Variants in GAS2 observed in about 807,000 individuals in gnomAD.
GAS2 encodes growth arrest-specific protein 2.
A neutral mutation model predicts 37.5 loss-of-function variants in GAS2; 20 were observed. The observed-to-expected ratio is 0.53, with a 90% CI of 0.37 to 0.77. GAS2 has a LOEUF of 0.77. Ranked by LOEUF, GAS2 falls within the 30% of genes least tolerant of loss-of-function variation. The probability of loss-of-function intolerance (pLI) is 0.00; values close to 1 mark genes in which losing one functional copy is unlikely to be tolerated. For synonymous variants in GAS2, 144 were observed against 132.2 expected, an observed-to-expected ratio of 1.09 and a Z score of -0.61; for missense variants, 336 against 373.4, an observed-to-expected ratio of 0.90 and a Z score of 0.82.
intron 7 of GAS2, among the ~76,000 whole-genome samples, chr11:22,778,255 C>T (rs925922062): frequency 6.6e-6 from 1 of 152,092 alleles, no homozygotes; most frequent in Non-Finnish European, 1.5e-5. Flanking sequence ...TATAATGCTA[C>T]TCAGTTTTAG....
At chr11:22,643,665 C>T (rs1448689974) in intron 1 of GAS2, among the ~76,000 whole-genome samples, 2 of 151,236 alleles carry the variant, frequency 1.3e-5, no homozygotes, top group African/African-American at 2.4e-5. Context: ...TTTTTCTTTA[C>T]AATTGATGAT....
At chr11:22,729,511 T>C (rs913437353) in intron 4 of GAS2, among the ~76,000 whole-genome samples, 9 of 151,900 alleles carry the variant, frequency 5.9e-5, no homozygotes, top group African/African-American at 2.2e-4. Flanking sequence ...AACCTATTAT[T>C]TATACTCTAT....
chr11:22,780,557 CAAA>C (rs34289288), intron 7 of GAS2, among the ~76,000 whole-genome samples: 5 of 90,334 alleles, frequency 5.5e-5, no homozygotes, highest in Admixed American at 1.3e-4. Context: ...GACTCTGTCT[CAAA>C]AAAAAAAAAA....
At chr11:22,677,105 A>G (rs1195805552) in intron 2 of GAS2, among the ~76,000 whole-genome samples, 1 of 152,222 alleles carries the variant, frequency 6.6e-6, no homozygotes, top group Non-Finnish European at 1.5e-5. Flanking sequence ...AACACAGTAA[A>G]TAAGCAATTG....
chr11:22,649,896 GT>G (rs1257491524), intron 1 of GAS2, among the ~76,000 whole-genome samples: 7 of 151,790 alleles, frequency 4.6e-5, no homozygotes, highest in East Asian at 1.9e-4. Context: ...TTTTTGAAGG[GT>G]TTTTTGTGTC....
intron 3 of GAS2, among the ~76,000 whole-genome samples, chr11:22,690,793 A>G (rs1281293965): frequency 2.0e-5 from 3 of 152,094 alleles, no homozygotes; most frequent in South Asian, 2.1e-4. Flanking sequence ...GAATTGTTAC[A>G]TTTATGCGTG....
At chr11:22,636,725 A>G (rs999228224) in intron 1 of GAS2, among the ~76,000 whole-genome samples, 2 of 151,928 alleles carry the variant, frequency 1.3e-5, no homozygotes, top group Admixed American at 6.6e-5. Flanking sequence ...CAATAGATGA[A>G]CATTAATTAA....
intron 3 of GAS2, among the ~76,000 whole-genome samples, chr11:22,720,655 A>G (rs1590706313): frequency 1.3e-5 from 2 of 151,996 alleles, no homozygotes; most frequent in Non-Finnish European, 2.9e-5. Flanking sequence ...TACACTCTAT[A>G]TACCCTTTGG....
chr11:22,694,307 G>A (rs7128931), intron 3 of GAS2, among the ~76,000 whole-genome samples: 3 of 152,002 alleles, frequency 2.0e-5, no homozygotes, highest in Admixed American at 1.3e-4. Flanking sequence ...TATTCTGTCC[G>A]CCATATCCAC....
chr11:22,634,797 A>G (rs1401906935), intron 1 of GAS2, among the ~76,000 whole-genome samples: 3 of 152,108 alleles, frequency 2.0e-5, no homozygotes, highest in Admixed American at 6.5e-5. Context: ...CAGGGGAGTG[A>G]TGTAGACTCT....
chr11:22,683,171 A>AT (rs1182979747), intron 2 of GAS2, among the ~76,000 whole-genome samples: 1 of 151,990 alleles, frequency 6.6e-6, no homozygotes, highest in African/African-American at 2.4e-5. Flanking sequence ...AATGGAAAAA[A>AT]AAAGTCATTT....
intron 4 of GAS2, among the ~76,000 whole-genome samples, chr11:22,731,912 T>C (rs1459905338): frequency 6.6e-6 from 1 of 151,868 alleles, no homozygotes; most frequent in African/African-American, 2.4e-5. Flanking sequence ...TTTTGTTTTA[T>C]GAAGTACATA....
At chr11:22,664,614 A>C (rs779161980), upstream of GAS2, among the ~76,000 whole-genome samples, 2 of 152,134 alleles carry the variant, frequency 1.3e-5, no homozygotes, top group African/African-American at 4.8e-5. Flanking sequence ...ACATTAGAGA[A>C]GCTATAGTTG....
At chr11:22,678,688 A>G (rs1849546089) in intron 2 of GAS2, among the ~76,000 whole-genome samples, 1 of 151,988 alleles carries the variant, frequency 6.6e-6, no homozygotes, top group East Asian at 1.9e-4. Flanking sequence ...TTCTAAATTC[A>G]GATATTTCTG....
chr11:22,747,991 G>C (rs1309488005), intron 5 of GAS2, among the ~76,000 whole-genome samples: 1 of 151,724 alleles, frequency 6.6e-6, no homozygotes, highest in Non-Finnish European at 1.5e-5. Flanking sequence ...AATTACTTAA[G>C]GTTAAATCTA....
chr11:22,794,169 GTCT>G (rs1856318356), intron 7 of GAS2, among the ~76,000 whole-genome samples: 1 of 150,434 alleles, frequency 6.6e-6, no homozygotes, highest in African/African-American at 2.4e-5. Context: ...AAATATTTCT[GTCT>G]TCTTGCTTTT....
Position 22,694,274 on chromosome 11 carries a change from A to T in GAS2, c.267+8485A>T, listed in dbSNP as rs556955642. On this transcript the variant is annotated intron_variant, in intron 3 of 7. Coordinates refer to ENST00000454584, the MANE Select transcript of GAS2 (RefSeq NM_001143830.3). ...CCTGTGCTTTAGGTCATTCTAGGAG[A>T]TCTGATTGGCCTCTCCAGATTGTAT... Among the ~76,000 whole-genome samples the T allele has an allele frequency of 3.3e-5, 5 of 152,234 alleles. No individual in the cohort carries two copies. The South Asian group carries it at 8.3e-4, about 25-fold the overall frequency.
intron 6 of GAS2, among the ~76,000 whole-genome samples, chr11:22,750,098 T>C (rs1565125544): frequency 6.6e-6 from 1 of 152,094 alleles, no homozygotes; most frequent in African/African-American, 2.4e-5. Context: ...GAGTTGTAGT[T>C]GCTTATTAAT....
intron 1 of GAS2, among the ~76,000 whole-genome samples, chr11:22,647,869 G>A (rs375431321): frequency 4.5e-4 from 68 of 152,102 alleles, no homozygotes; most frequent in Admixed American, 9.8e-4. Flanking sequence ...CCCATTTTGT[G>A]GGTTGCCTGT....
Sources: gnomAD v4.1 joint callset for allele counts (sites outside exome capture counted in the v4.1 genomes callset) on GRCh38, gnomAD v4.1.1 for gene constraint, MANE v1.5 for transcripts, NCBI Gene and HGNC (gene_info 2026-07-23, HGNC 2026-07-21) for gene names.